Variants in SEZ6L observed in about 807,000 individuals in gnomAD.
SEZ6L encodes the protein seizure 6-like protein.
SEZ6L carries 37 observed loss-of-function variants against 106.2 expected under a neutral mutation model. The ratio of observed to expected loss-of-function variants is 0.35; its 90% confidence interval spans 0.27 to 0.46. The LOEUF is 0.46. Among genes scored for constraint, SEZ6L ranks in the 20% least tolerant of loss-of-function variants. The probability of loss-of-function intolerance (pLI) is 1.00; values close to 1 mark genes in which losing one functional copy is unlikely to be tolerated. For synonymous variants in SEZ6L, 541 were observed against 570.4 expected (o/e 0.95, Z 0.73); for missense variants, 1,172 against 1,332.8 (o/e 0.88, Z 1.88).
At chr22:26,349,168 T>C (rs993843108) in intron 11 of SEZ6L, among the ~76,000 whole-genome samples, 6 of 152,106 alleles carry the variant, frequency 3.9e-5, no homozygotes, top group African/African-American at 1.4e-4. Flanking sequence ...CTCTCACTTA[T>C]CCTCCATCCA....
chr22:26,202,950 C>A (rs1941063872), intron 1 of SEZ6L, among the ~76,000 whole-genome samples: 1 of 152,190 alleles, frequency 6.6e-6, no homozygotes, highest in Non-Finnish European at 1.5e-5. Flanking sequence ...AAATTTGTAA[C>A]AAAGTTTCCA....
At chr22:26,253,154 G>A (rs80276063) in intron 1 of SEZ6L, among the ~76,000 whole-genome samples, 2 of 152,104 alleles carry the variant, frequency 1.3e-5, no homozygotes, top group African/African-American at 4.8e-5. Context: ...AAATGATGTG[G>A]CTGGCCCAGA....
intron 1 of SEZ6L, chr22:26,244,806 A>G (rs139257376): frequency 5.5e-4 from 84 of 152,256 alleles, no homozygotes; most frequent in African/African-American, 1.8e-3. Flanking sequence ...GGAAGCAACA[A>G]TGAACAAGGC....
intron 12 of SEZ6L, among the ~76,000 whole-genome samples, chr22:26,360,173 T>C (rs776483139): frequency 9.2e-5 from 14 of 152,186 alleles, no homozygotes; most frequent in Non-Finnish European, 1.9e-4. Flanking sequence ...GGGTGACTAA[T>C]TAAATTAAAA....
At chr22:26,346,014 C>T (rs627709) in intron 10 of SEZ6L, among the ~76,000 whole-genome samples, 151,930 of 152,246 alleles carry the variant, frequency 1, 75,808 homozygotes, top group East Asian at 1. Flanking sequence ...TTATTTATTT[C>T]TGTTCAAATT....
intron 1 of SEZ6L, among the ~76,000 whole-genome samples, chr22:26,263,206 T>C (rs935828766): frequency 6.6e-6 from 1 of 152,236 alleles, no homozygotes; most frequent in African/African-American, 2.4e-5. Flanking sequence ...CTGCAGAGTT[T>C]ACAGTCCTGC....
chr22:26,297,718 T>C (rs1400298596), intron 4 of SEZ6L, among the ~76,000 whole-genome samples: 2 of 151,956 alleles, frequency 1.3e-5, no homozygotes, highest in East Asian at 3.9e-4. Flanking sequence ...ATTCCTCTCT[T>C]CTCTTACTTC....
chr22:26,235,745 C>T (rs913805733), intron 1 of SEZ6L, among the ~76,000 whole-genome samples: 3 of 152,176 alleles, frequency 2.0e-5, no homozygotes, highest in African/African-American at 4.8e-5. Context: ...TATAGCAGCT[C>T]ATACCTGGAG....
intron 1 of SEZ6L, among the ~76,000 whole-genome samples, chr22:26,194,529 A>T (rs1569367804): frequency 6.6e-6 from 1 of 152,198 alleles, no homozygotes; most frequent in Non-Finnish European, 1.5e-5. Context: ...GATCCACTGT[A>T]ACTTTAATCC....
At chr22:26,369,050 T>C (rs144283429) in intron 13 of SEZ6L, among the ~76,000 whole-genome samples, 7 of 151,732 alleles carry the variant, frequency 4.6e-5, no homozygotes, top group Non-Finnish European at 7.4e-5. Context: ...AGCAAAATCA[T>C]TGAGAGGCGG....
intron 12 of SEZ6L, among the ~76,000 whole-genome samples, chr22:26,353,294 C>T (rs2083335996): frequency 6.6e-6 from 1 of 152,176 alleles, no homozygotes; most frequent in African/African-American, 2.4e-5. Context: ...GCTAAGCACA[C>T]TATACATATC....
intron 9 of SEZ6L, among the ~76,000 whole-genome samples, chr22:26,326,722 G>A (rs1172189299): frequency 6.6e-6 from 1 of 152,208 alleles, no homozygotes; most frequent in African/African-American, 2.4e-5. Flanking sequence ...AGCTGAGCAG[G>A]CAAGCAGTGT....
At chr22:26,299,708 T>G (rs1569452536) in intron 5 of SEZ6L, among the ~76,000 whole-genome samples, 1 of 152,266 alleles carries the variant, frequency 6.6e-6, no homozygotes, top group East Asian at 1.9e-4. Context: ...TCCCACATTT[T>G]GTTGACCTGT....
At chr22:26,266,559 C>T (rs1047265572) in intron 1 of SEZ6L, among the ~76,000 whole-genome samples, 4 of 150,348 alleles carry the variant, frequency 2.7e-5, no homozygotes, top group African/African-American at 7.3e-5. Flanking sequence ...GGCAAAAGAG[C>T]GAGACTCCGT....
At chr22:26,357,141 T>C (rs1023284337) in intron 12 of SEZ6L, among the ~76,000 whole-genome samples, 2 of 152,042 alleles carry the variant, frequency 1.3e-5, no homozygotes, top group African/African-American at 2.4e-5. Context: ...TTAGTAGAGA[T>C]GGGGTTTCAC....
intron 1 of SEZ6L, among the ~76,000 whole-genome samples, chr22:26,206,518 A>G (rs1378287552): frequency 3.3e-5 from 5 of 152,238 alleles, no homozygotes; most frequent in African/African-American, 7.2e-5. Flanking sequence ...CAGAAAGGTA[A>G]CATTCCTTGT....
At chr22:26,377,877 A>G in intron 16 of SEZ6L, 102 bp downstream of exon 16, 2 of 893,886 alleles carry the variant, frequency 2.2e-6, no homozygotes, top group Non-Finnish European at 3.7e-6. Context: ...CACAAGAGGC[A>G]CAGCCAGTGG....
At chr22:26,326,367 T>C (rs2082305631) in intron 9 of SEZ6L, among the ~76,000 whole-genome samples, 1 of 152,220 alleles carries the variant, frequency 6.6e-6, no homozygotes, top group African/African-American at 2.4e-5. Flanking sequence ...CAAGTGTTTA[T>C]TGAGCGCATA....
intron 12 of SEZ6L, among the ~76,000 whole-genome samples, chr22:26,352,329 G>T (rs980140137): frequency 6.6e-6 from 1 of 152,132 alleles, no homozygotes; most frequent in African/African-American, 2.4e-5. Flanking sequence ...TTTTAAATTA[G>T]TGTGTTATGA....
Sources: gnomAD v4.1 joint callset for allele counts (sites outside exome capture counted in the v4.1 genomes callset) on GRCh38, gnomAD v4.1.1 for gene constraint, MANE v1.5 for transcripts, NCBI Gene and HGNC (gene_info 2026-07-23, HGNC 2026-07-21) for gene names.